Variants in LEF1 observed in about 807,000 individuals in gnomAD.
LEF1 encodes the protein lymphoid enhancer binding factor 1.
A neutral mutation model predicts 51.2 loss-of-function variants in LEF1; 14 were observed. That is an observed-to-expected ratio of 0.27 (90% CI 0.18 to 0.43). LEF1 has a LOEUF of 0.43. Ranked by LOEUF, LEF1 falls within the 20% of genes least tolerant of loss-of-function variation. The pLI, the probability that LEF1 is intolerant of heterozygous loss-of-function variation, is 1.00. For missense variants in LEF1, 386 were observed against 512.0 expected, an observed-to-expected ratio of 0.75 and a Z score of 2.37; for synonymous variants, 185 against 183.2, an observed-to-expected ratio of 1.01 and a Z score of -0.08.
chr4:108,049,157 C>T (rs550720117), intron 11 of LEF1, among the ~76,000 whole-genome samples: 6 of 152,262 alleles, frequency 3.9e-5, no homozygotes, highest in African/African-American at 1.4e-4. Flanking sequence ...CTGTGGGAAG[C>T]CACTGTATGA....
chr4:108,079,377 G>T, intron 7 of LEF1, 115 bp downstream of exon 7: 2 of 1,146,700 alleles, frequency 1.7e-6, no homozygotes, highest in Non-Finnish European at 2.6e-6. Flanking sequence ...AGGCAGAGGT[G>T]CATTGAGTTT....
intron 2 of LEF1, 152 bp downstream of exon 2, chr4:108,164,945 A>C: frequency 1.6e-6 from 1 of 631,250 alleles, no homozygotes; most frequent in Non-Finnish European, 2.8e-6. Context: ...GAGGTAAGCC[A>C]TAAGTTTCCT....
Position 108,081,647 on chromosome 4 carries a change from T to C in LEF1, c.661A>G (p.Ile221Val), listed in dbSNP as rs756499364. ...TAGGGTTGCCTGAATCCACCCGTGATGGGATATACAGGCTGACCTTGCCTG... is the reference window on the plus strand; with the variant it reads ...TAGGGTTGCCTGAATCCACCCGTGACGGGATATACAGGCTGACCTTGCCTG... The part of the protein sequence containing the change: ...LGWQGQPVYP[I>V]TGGFRQPYPS... The change falls in exon 6 of 12, where the codon ATC becomes GTC. Residue 221 changes from isoleucine (I) to valine (V), a missense_variant. By Grantham distance (29) the Ile-to-Val change is conservative. Transcript: ENST00000265165. 1 of 1,614,030 alleles carries C rather than the reference T, an allele frequency of 6.2e-7. No individual in the cohort carries two copies. Among genetic ancestry groups the C allele is most frequent in the Non-Finnish European group, 8.5e-7 (1 of 1,179,962 alleles).
intron 9 of LEF1, among the ~76,000 whole-genome samples, chr4:108,067,964 C>T (rs552577054): frequency 1.3e-5 from 2 of 152,034 alleles, no homozygotes; most frequent in Non-Finnish European, 2.9e-5. Context: ...TCTTCAACTA[C>T]AGCAGTCTTA....
At chr4:108,067,888 C>G (rs1371538698) in intron 9 of LEF1, among the ~76,000 whole-genome samples, 1 of 152,062 alleles carries the variant, frequency 6.6e-6, no homozygotes, top group Non-Finnish European at 1.5e-5. Flanking sequence ...CAGGGCATGG[C>G]AGGAGCTCTA....
chr4:108,154,194 A>G (rs1343962191), intron 3 of LEF1, among the ~76,000 whole-genome samples: 2 of 152,142 alleles, frequency 1.3e-5, no homozygotes, highest in African/African-American at 2.4e-5. Context: ...AATTTTAATC[A>G]ATATTATGAT....
intron 8 of LEF1, chr4:108,071,812 G>A (rs1235688154): frequency 1.3e-5 from 2 of 152,166 alleles, no homozygotes; most frequent in East Asian, 3.9e-4. Context: ...ACAAGGATGA[G>A]ACCAGAGCCC....
intron 3 of LEF1, among the ~76,000 whole-genome samples, chr4:108,115,994 T>C (rs958283548): frequency 6.6e-5 from 10 of 152,176 alleles, no homozygotes; most frequent in African/African-American, 2.2e-4. Flanking sequence ...GTAGAGACAA[T>C]TGAGGTCCCT....
chr4:108,108,624 C>T (rs1741328127), intron 3 of LEF1, among the ~76,000 whole-genome samples: 1 of 152,124 alleles, frequency 6.6e-6, no homozygotes, highest in Non-Finnish European at 1.5e-5. Context: ...CATGCAAGTG[C>T]TGCAGTCCCA....
chr4:108,096,371 C>G (rs927208561), intron 3 of LEF1, among the ~76,000 whole-genome samples: 1 of 152,128 alleles, frequency 6.6e-6, no homozygotes, highest in African/African-American at 2.4e-5. Context: ...AGTGGAAGGA[C>G]GTGGGGCAGA....
At chr4:108,131,753 C>T (rs1252829756) in intron 3 of LEF1, among the ~76,000 whole-genome samples, 1 of 151,966 alleles carries the variant, frequency 6.6e-6, no homozygotes, top group African/African-American at 2.4e-5. Flanking sequence ...TAAAACCCTG[C>T]CTTTATGCAG....
Position 108,047,673 on chromosome 4 carries a change from A to C in LEF1, c.*1085T>G, listed in dbSNP as rs2126247437. On this transcript the variant is annotated 3_prime_UTR_variant, in exon 12 of 12. Transcript: ENST00000265165. ...GCAAAGGCTGTGCCTTGCTTTTTTAAAAAATGGGTACATCAATGCTCATTT... is the reference window on the plus strand; with the variant it reads ...GCAAAGGCTGTGCCTTGCTTTTTTACAAAATGGGTACATCAATGCTCATTT... 2 of 152,788 alleles carry C rather than the reference A, an allele frequency of 1.3e-5. No individual in the cohort carries two copies. Among genetic ancestry groups the C allele is most frequent in the Middle Eastern group, 6.8e-3 (2 of 294 alleles). 9.5% of individuals were successfully genotyped at this position (152,788 alleles called of 1,614,324 possible).
intron 6 of LEF1, 42 bp downstream of exon 6, chr4:108,081,544 A>G: frequency 1.3e-6 from 2 of 1,515,886 alleles, no homozygotes; most frequent in Non-Finnish European, 1.8e-6. Context: ...GCACGAGAAG[A>G]GCAACTTGTC....
chr4:108,095,123 A>G (rs1014127782), intron 3 of LEF1, among the ~76,000 whole-genome samples: 1 of 152,122 alleles, frequency 6.6e-6, no homozygotes, highest in African/African-American at 2.4e-5. Context: ...CATTTTTCAG[A>G]TAAGAACGAG....
At position 108,167,473 on chromosome 4, in the gene LEF1, G is replaced by A; in HGVS notation, c.213+82C>T. ...CTCGGGACCCTCAGCCGGGCGGCCG[G>A]GCGCCTTCGTTCCCTTCCTCCCTCT... On this transcript the variant is annotated intron_variant, in intron 1 of 11. Coordinates refer to ENST00000265165, the MANE Select transcript of LEF1 (RefSeq NM_016269.5). This position sits in a 1 kb window ranked among gnomAD's most constrained non-coding sequence, Gnocchi z 5.7. 1.4e-6 allele frequency: 2 copies of A among 1,438,386 alleles called. No homozygotes were observed. Among genetic ancestry groups the A allele is most frequent in the Non-Finnish European group, 9.6e-7 (1 of 1,040,120 alleles). The allele number at this position is 1,438,386 out of a possible 1,614,324, so 89.1% of individuals were successfully genotyped here. A position where few individuals can be genotyped will look rare whatever the true frequency, so the allele number is the denominator to read the frequency against.
At chr4:108,103,196 C>A (rs11932116) in intron 3 of LEF1, among the ~76,000 whole-genome samples, 1,584 of 152,310 alleles carry the variant, frequency 0.01, 21 homozygotes, top group African/African-American at 0.036. Flanking sequence ...CACTATGGAA[C>A]CTTCGCCTTC....
chr4:108,071,199 T>G (rs1738454999), intron 8 of LEF1, among the ~76,000 whole-genome samples: 1 of 152,252 alleles, frequency 6.6e-6, no homozygotes, highest in Non-Finnish European at 1.5e-5. Context: ...CAGATGTCTT[T>G]TAAAACAGAT....
chr4:108,074,878 A>ACT (rs776240423), intron 8 of LEF1, among the ~76,000 whole-genome samples: 1 of 152,170 alleles, frequency 6.6e-6, no homozygotes, highest in Non-Finnish European at 1.5e-5. Context: ...TCATATCCTC[A>ACT]CTCTCTGTAT....
intron 3 of LEF1, among the ~76,000 whole-genome samples, chr4:108,138,024 A>G (rs947631746): frequency 1.3e-5 from 2 of 152,234 alleles, no homozygotes; most frequent in African/African-American, 2.4e-5. Context: ...TATTAACCAC[A>G]TAATTTTCTC....
Sources: allele counts gnomAD v4.1 joint callset (sites outside exome capture counted in the v4.1 genomes callset), GRCh38; gene constraint gnomAD v4.1.1; non-coding constraint Gnocchi (gnomAD v3.1); transcripts MANE v1.5; gene names NCBI Gene and HGNC (gene_info 2026-07-23, HGNC 2026-07-21).